KCNK3: variants seen among roughly 807,000 people sequenced by gnomAD.
KCNK3 encodes potassium channel subfamily K member 3.
A neutral mutation model predicts 27.3 loss-of-function variants in KCNK3; 9 were observed. The observed-to-expected ratio is 0.33, with a 90% CI of 0.20 to 0.57. KCNK3 has a LOEUF of 0.57. Among genes scored for constraint, KCNK3 ranks in the 20% least tolerant of loss-of-function variants. The pLI, the probability that KCNK3 is intolerant of heterozygous loss-of-function variation, is 0.87. For synonymous variants in KCNK3, 278 were observed against 273.8 expected (o/e 1.02, Z -0.15); for missense variants, 391 against 577.7 (o/e 0.68, Z 3.31).
intron 1 of KCNK3, among the ~76,000 whole-genome samples, chr2:26,697,185 G>A (rs1201972169): frequency 6.6e-6 from 1 of 152,180 alleles, no homozygotes; most frequent in Admixed American, 6.5e-5. Flanking sequence ...AATTTTTCAC[G>A]AATTCTTTCT....
chr2:26,723,027 T>G (rs1435126433), intron 1 of KCNK3, among the ~76,000 whole-genome samples: 1 of 152,204 alleles, frequency 6.6e-6, no homozygotes, highest in African/African-American at 2.4e-5. Context: ...CCCATGCTCT[T>G]TCCTCTGCCC....
intron 1 of KCNK3, among the ~76,000 whole-genome samples, chr2:26,712,067 G>A (rs1380251932): frequency 6.6e-6 from 1 of 152,172 alleles, no homozygotes; most frequent in Non-Finnish European, 1.5e-5. Flanking sequence ...ACCCTGGCCT[G>A]GCTGATCTCT....
At chr2:26,703,750 G>T (rs1005046933) in intron 1 of KCNK3, among the ~76,000 whole-genome samples, 5 of 152,222 alleles carry the variant, frequency 3.3e-5, no homozygotes, top group African/African-American at 1.2e-4. Context: ...GTTGCATGGT[G>T]CACATGCTAA....
intron 1 of KCNK3, among the ~76,000 whole-genome samples, chr2:26,704,129 C>T (rs1467792360): frequency 2.6e-5 from 4 of 152,188 alleles, no homozygotes; most frequent in African/African-American, 9.7e-5. Context: ...ACTTCCCGCC[C>T]ACCCTGCTCA....
At chr2:26,718,473 GT>G (rs1432135337) in intron 1 of KCNK3, among the ~76,000 whole-genome samples, 2 of 152,150 alleles carry the variant, frequency 1.3e-5, no homozygotes, top group African/African-American at 2.4e-5. Context: ...AAAAGTAATA[GT>G]TTTTTGTAGT....
intron 1 of KCNK3, among the ~76,000 whole-genome samples, chr2:26,716,036 C>T (rs868464142): frequency 3.0e-4 from 46 of 152,196 alleles, no homozygotes; most frequent in African/African-American, 9.9e-4. Flanking sequence ...CCAGAAGAAG[C>T]GCTCGAGGCC....
intron 1 of KCNK3, among the ~76,000 whole-genome samples, chr2:26,704,215 C>T (rs1324598293): frequency 2.0e-5 from 3 of 152,172 alleles, no homozygotes; most frequent in Non-Finnish European, 4.4e-5. Flanking sequence ...CAAAGTTCCA[C>T]TCTGGAGCTC....
rs566468993 is a variant in KCNK3 at position 26,733,396 on chromosome 2, A to C, written c.*4828A>C. 2.0e-5 allele frequency: 3 copies of C among 152,360 alleles called. No individual in the cohort carries two copies. In the South Asian group the frequency reaches 6.2e-4, roughly 32 times the overall value. The allele number at this position is 152,360 out of a possible 1,614,324, so 9.4% of individuals were successfully genotyped here. A position where few individuals can be genotyped will look rare whatever the true frequency, so the allele number is the denominator to read the frequency against. On this transcript the variant is annotated 3_prime_UTR_variant, in exon 2 of 2. Coordinates refer to ENST00000302909, the MANE Select transcript of KCNK3 (RefSeq NM_002246.3). ...TTCGCAAGGCATCTTAGCTTAATAA[A>C]GGTTATGAAAAGTCTTGCAGCAAAG...
chr2:26,722,204 T>C (rs1663340837), intron 1 of KCNK3, among the ~76,000 whole-genome samples: 1 of 152,204 alleles, frequency 6.6e-6, no homozygotes, highest in Non-Finnish European at 1.5e-5. Context: ...TCCTGTTAAA[T>C]TCAGCATTTC....
chr2:26,697,870 G>A (rs1670254998), intron 1 of KCNK3, among the ~76,000 whole-genome samples: 1 of 152,122 alleles, frequency 6.6e-6, no homozygotes, highest in Non-Finnish European at 1.5e-5. Context: ...ACTCAAGCAG[G>A]TGATTCATGA....
intron 1 of KCNK3, among the ~76,000 whole-genome samples, chr2:26,714,431 C>A: frequency 4.3e-3 from 1 of 230 alleles, no homozygotes; most frequent in Non-Finnish European, 0.014. Context: ...GCACTGCTCA[C>A]TATGTTGGGG....
chr2:26,710,324 G>A (rs530399192), intron 1 of KCNK3, among the ~76,000 whole-genome samples: 4 of 152,366 alleles, frequency 2.6e-5, no homozygotes, highest in African/African-American at 9.6e-5. Context: ...GAGGCAGCCA[G>A]GAGCGAGCTG....
At chr2:26,719,395 C>T (rs556308176) in intron 1 of KCNK3, among the ~76,000 whole-genome samples, 1 of 152,204 alleles carries the variant, frequency 6.6e-6, no homozygotes, top group East Asian at 1.9e-4. Flanking sequence ...TGTATCCTTG[C>T]CTCAGTAGCT....
intron 1 of KCNK3, among the ~76,000 whole-genome samples, chr2:26,698,516 C>G (rs1195797666): frequency 6.6e-6 from 1 of 152,196 alleles, no homozygotes; most frequent in Non-Finnish European, 1.5e-5. Context: ...GTGCCTGGTA[C>G]AGAGAAGGCA....
chr2:26,718,694 G>A (rs1386629900), intron 1 of KCNK3, among the ~76,000 whole-genome samples: 3 of 151,842 alleles, frequency 2.0e-5, no homozygotes, highest in African/African-American at 2.4e-5. Flanking sequence ...CCACAGCCTC[G>A]ACCTCCCGGG....
intron 1 of KCNK3, among the ~76,000 whole-genome samples, chr2:26,726,585 C>A (rs1220672883): frequency 1.3e-5 from 2 of 152,142 alleles, no homozygotes; most frequent in Non-Finnish European, 2.9e-5. Flanking sequence ...ACACACTTTA[C>A]AAATGAAGAA....
At chr2:26,696,059 AG>A (rs1670231488) in intron 1 of KCNK3, among the ~76,000 whole-genome samples, 1 of 152,226 alleles carries the variant, frequency 6.6e-6, no homozygotes, top group South Asian at 2.1e-4. Context: ...CCCAAACCCA[AG>A]GGCAGCAGCC....
chr2:26,728,168 C>T lies in KCNK3; in HGVS notation c.785C>T (p.Ala262Val), dbSNP rs1341257541. 3.8e-6 allele frequency: 6 copies of T among 1,574,262 alleles called. No homozygotes were observed. The highest frequency in any genetic ancestry group is 5.2e-6 in the Non-Finnish European group (6 of 1,159,954). Residue 262 changes from alanine to valine, a missense_variant, in exon 2 of 2, where the codon GCG becomes GTG. Ala to Val is a moderately conservative substitution (Grantham distance 64, BLOSUM62 0). Around this residue, in one of 4 missense-constraint regions of KCNK3, gnomAD observed 38 missense variants for 80.5 expected, o/e 0.47. Transcript: ENST00000302909. ...EDEKRDAEHRALLTRNGQAGG... is the reference protein window; with the variant it reads ...EDEKRDAEHRVLLTRNGQAGG... Reference sequence around the variant, plus strand: ...GAGAAGCGCGACGCCGAGCACCGCGCGCTGCTCACGCGCAACGGGCAGGCG... The same window carrying T: ...GAGAAGCGCGACGCCGAGCACCGCGTGCTGCTCACGCGCAACGGGCAGGCG...
chr2:26,701,954 T>TC (rs1318068217), intron 1 of KCNK3, among the ~76,000 whole-genome samples: 1 of 152,104 alleles, frequency 6.6e-6, no homozygotes, highest in East Asian at 1.9e-4. Flanking sequence ...AATCAATCAA[T>TC]AAATAAAAAC....
Sources: gnomAD v4.1 joint callset for allele counts (sites outside exome capture counted in the v4.1 genomes callset) on GRCh38, gnomAD v4.1.1 for gene constraint, gnomAD v4.1.1 regional missense constraint, MANE v1.5 for transcripts, NCBI Gene and HGNC (gene_info 2026-07-23, HGNC 2026-07-21) for gene names.